Variants in FBRSL1 observed in about 807,000 individuals in gnomAD.
FBRSL1 encodes fibrosin-1-like protein.
FBRSL1 carries 51 observed loss-of-function variants against 89.6 expected under a neutral mutation model. The ratio of observed to expected loss-of-function variants is 0.57; its 90% CI spans 0.45 to 0.72. The LOEUF (loss-of-function observed/expected upper bound fraction) is 0.72. FBRSL1 is among the 30% of genes least tolerant of loss of function. FBRSL1 has a pLI of 0.00. For synonymous variants in FBRSL1, 779 were observed against 681.1 expected, an observed-to-expected ratio of 1.14 and a Z score of -2.24; for missense variants, 1,618 against 1,451.8, an observed-to-expected ratio of 1.11 and a Z score of -1.86.
chr12:132,493,569 G>A (rs573143704), intron 1 of FBRSL1, among the ~76,000 whole-genome samples: 19 of 152,260 alleles, frequency 1.2e-4, no homozygotes, highest in African/African-American at 3.1e-4. Flanking sequence ...CACCCTCTCC[G>A]CCTGTCTGAA....
rs532127740 is a variant in FBRSL1, at chr12:132,527,831, G to A, written c.580-122G>A. 4.7e-5 allele frequency: 43 copies of A among 916,650 alleles called. No homozygotes were observed. The African/African-American group carries it at 6.0e-4, about 13-fold the overall frequency. 56.8% of individuals were successfully genotyped at this position (916,650 alleles called of 1,614,324 possible). ...GTCTGTGGATCTGCGGGGCAGGGCT[G>A]TGAGCTGCAGGGCTGCGGGGCAGGG... On this transcript the variant is annotated intron_variant, in intron 3 of 18. Coordinates refer to ENST00000680143, the MANE Select transcript of FBRSL1 (RefSeq NM_001367871.1).
Position 132,583,611 on chromosome 12 carries a change from C to CCCGCCG in FBRSL1, c.2851_2856dup (p.Ala951_Ala952dup), listed in dbSNP as rs1208509639. 1.0e-5 allele frequency: 10 copies of CCCGCCG among 991,844 alleles called. No individual in the cohort carries two copies. The African/African-American group carries it at 1.4e-4, about 14-fold the overall frequency. The allele number at this position is 991,844 out of a possible 1,614,324, so 61.4% of individuals were successfully genotyped here. On this transcript the variant is annotated inframe_insertion, in exon 19 of 19. Transcript: ENST00000680143. ...CAATGGGCTCCTGGCGCGGACCCCG[C>CCCGCCG]CCGCCGCCGCCGCCCTCGGCGCACC...
chr12:132,503,909 C>T (rs2033347476), intron 1 of FBRSL1, among the ~76,000 whole-genome samples: 1 of 152,162 alleles, frequency 6.6e-6, no homozygotes, highest in East Asian at 1.9e-4. Flanking sequence ...CAGCCTCCTG[C>T]CCCCACTGGA....
intron 2 of FBRSL1, among the ~76,000 whole-genome samples, chr12:132,521,083 A>G (rs1477042829): frequency 1.3e-5 from 2 of 152,184 alleles, no homozygotes; most frequent in Non-Finnish European, 2.9e-5. Flanking sequence ...TGGGTGGGGA[A>G]CTTGGAAAGT....
In FBRSL1 at chr12:132,574,584, G is replaced by A; in HGVS notation, c.1701+20G>A. On this transcript the variant is annotated intron_variant, in intron 14 of 18. Transcript: ENST00000680143. ...ATAAAGGTGAGACCACCTGGGCTGGGGCAGGGCGCTTGTGAACCCGACTCC... is the reference window on the plus strand; with the variant it reads ...ATAAAGGTGAGACCACCTGGGCTGGAGCAGGGCGCTTGTGAACCCGACTCC... 1 of 1,546,272 alleles carries A rather than the reference G, an allele frequency of 6.5e-7. No homozygotes were observed. The highest frequency in any genetic ancestry group is 8.7e-7 in the Non-Finnish European group (1 of 1,145,652).
At chr12:132,568,038 AG>A (rs2039748836) in intron 6 of FBRSL1, among the ~76,000 whole-genome samples, 1 of 148,240 alleles carries the variant, frequency 6.7e-6, no homozygotes, top group Non-Finnish European at 1.5e-5. Flanking sequence ...CCCTCTCCAG[AG>A]GGGGTAGCCC....
In FBRSL1 at chr12:132,583,946, T is replaced by C. The variant is rs2040975397; in HGVS notation, c.*168T>C. 3.3e-6 allele frequency: 1 copy of C among 303,334 alleles called. No individual in the cohort carries two copies. The highest frequency in any genetic ancestry group is 5.9e-6 in the Non-Finnish European group (1 of 168,600). The allele number at this position is 303,334 out of a possible 1,614,324, so 18.8% of individuals were successfully genotyped here. A position where few individuals can be genotyped will look rare whatever the true frequency, so the allele number is the denominator to read the frequency against. ...GTCGGCTTTTCTGAGGGTGATCTTT[T>C]GTTTTCCGAGTTTGGGATTCGGCTG... On this transcript the variant is annotated 3_prime_UTR_variant, in exon 19 of 19. Coordinates refer to ENST00000680143, the MANE Select transcript of FBRSL1 (RefSeq NM_001367871.1).
At position 132,490,665 on chromosome 12, in the gene FBRSL1, C is replaced by T; in HGVS notation, c.95C>T (p.Pro32Leu). 2.0e-6 allele frequency: 2 copies of T among 996,526 alleles called. No individual in the cohort carries two copies. Among genetic ancestry groups the T allele is most frequent in the South Asian group, 4.0e-5 (1 of 25,198 alleles). The allele number at this position is 996,526 out of a possible 1,614,324, so 61.7% of individuals were successfully genotyped here. The part of the protein sequence containing the change: ...EAARDARAQS[P>L]SSGDEPEPSP... ...GCCCGCGACGCCCGCGCCCAGAGTC[C>T]GTCGTCGGGCGACGAGCCCGAGCCC... is the stretch of plus-strand genomic sequence containing the variant. Residue 32 changes from proline (P) to leucine (L), a missense_variant, in exon 1 of 19, where the codon CCG (proline) becomes CTG (leucine). By Grantham distance (98) the Pro-to-Leu change is moderately conservative (BLOSUM62 -3). Coordinates refer to ENST00000680143, the MANE Select transcript of FBRSL1 (RefSeq NM_001367871.1).
chr12:132,502,733 C>T (rs973267046), intron 1 of FBRSL1, among the ~76,000 whole-genome samples: 5 of 147,770 alleles, frequency 3.4e-5, no homozygotes, highest in African/African-American at 1.3e-4. Context: ...AGCCCGCTAT[C>T]CCCATGCCTG....
intron 5 of FBRSL1, 110 bp from the exon 6 acceptor site, chr12:132,567,371 C>T (rs950710738): frequency 2.0e-5 from 21 of 1,062,844 alleles, no homozygotes; most frequent in African/African-American, 4.7e-5. Context: ...GGGCACATCC[C>T]GCCTGGCCCT....
At chr12:132,501,225 C>T (rs1404669016) in intron 1 of FBRSL1, among the ~76,000 whole-genome samples, 1 of 152,220 alleles carries the variant, frequency 6.6e-6, no homozygotes, top group Non-Finnish European at 1.5e-5. Context: ...CCTACCAGCC[C>T]CTAGCCCCAG....
At chr12:132,525,531 T>C (rs990174928) in intron 2 of FBRSL1, among the ~76,000 whole-genome samples, 2 of 152,194 alleles carry the variant, frequency 1.3e-5, no homozygotes, top group Admixed American at 6.5e-5. Context: ...TGTGCAGAGC[T>C]CTGTCCTGCT....
At chr12:132,511,245 G>T (rs2034305393) in intron 2 of FBRSL1, 2 of 985,324 alleles carry the variant, frequency 2.0e-6, no homozygotes, top group African/African-American at 1.7e-5. Context: ...CTGAAGGGTT[G>T]CCTGCAGGGT....
At chr12:132,517,465 C>A (rs1159243977) in intron 2 of FBRSL1, among the ~76,000 whole-genome samples, 1 of 152,078 alleles carries the variant, frequency 6.6e-6, no homozygotes, top group Non-Finnish European at 1.5e-5. Context: ...TTTGGTCATT[C>A]CGCCCCTGTT....
At chr12:132,575,290 C>G (rs539185660) in intron 14 of FBRSL1, among the ~76,000 whole-genome samples, 1 of 152,262 alleles carries the variant, frequency 6.6e-6, no homozygotes, top group African/African-American at 2.4e-5. Context: ...TGCAGTGGCG[C>G]GATCTCGGCT....
At chr12:132,541,437 C>G (rs920113815) in intron 4 of FBRSL1, among the ~76,000 whole-genome samples, 14 of 152,226 alleles carry the variant, frequency 9.2e-5, no homozygotes, top group African/African-American at 3.4e-4. Flanking sequence ...TCATGCACCC[C>G]CCCACCCCGG....
chr12:132,522,009 G>A (rs2035400394), intron 2 of FBRSL1, among the ~76,000 whole-genome samples: 1 of 152,146 alleles, frequency 6.6e-6, no homozygotes, highest in Non-Finnish European at 1.5e-5. Flanking sequence ...GTAGAGAGGG[G>A]TGTGGGTGTG....
intron 15 of FBRSL1, chr12:132,580,877 G>A (rs865808844): frequency 1.4e-5 from 14 of 985,280 alleles, no homozygotes; most frequent in African/African-American, 7.0e-5. Context: ...CCCAGGGCCC[G>A]GGCCCAGGCC....
intron 5 of FBRSL1, among the ~76,000 whole-genome samples, chr12:132,550,306 G>C (rs533690751): frequency 7.1e-6 from 1 of 140,422 alleles, no homozygotes; most frequent in South Asian, 2.2e-4. Flanking sequence ...GGAGAGCAGA[G>C]AGGCCTGGCG....
Sources: gnomAD v4.1 joint callset for allele counts (sites outside exome capture counted in the v4.1 genomes callset) on GRCh38, gnomAD v4.1.1 for gene constraint, MANE v1.5 for transcripts, NCBI Gene and HGNC (gene_info 2026-07-23, HGNC 2026-07-21) for gene names.